The following L2HGDH variants were observed in gnomAD, a reference collection of about 807,000 sequenced individuals.
L2HGDH encodes the protein L-2-hydroxyglutarate dehydrogenase, mitochondrial.
A neutral mutation model predicts 51.5 loss-of-function variants in L2HGDH; 34 were observed. That is an observed-to-expected ratio of 0.66 (90% CI 0.50 to 0.88). L2HGDH has a LOEUF of 0.88. Among genes scored for constraint, L2HGDH ranks in the 40% least tolerant of loss-of-function variants. L2HGDH has a pLI of 0.00. For missense variants in L2HGDH, 558 were observed against 571.9 expected (o/e 0.98, Z 0.25); for synonymous variants, 198 against 197.9 (o/e 1.00, Z -0.01).
chr14:50,262,813 C>T (rs914536664), intron 9 of L2HGDH, among the ~76,000 whole-genome samples: 1 of 151,738 alleles, frequency 6.6e-6, no homozygotes, highest in Non-Finnish European at 1.5e-5. Flanking sequence ...TAATTTCCTG[C>T]ACTTAATAAC....
chr14:50,272,952 A>G (rs1265894892), intron 6 of L2HGDH, among the ~76,000 whole-genome samples: 1 of 152,220 alleles, frequency 6.6e-6, no homozygotes, highest in African/African-American at 2.4e-5. Flanking sequence ...GAACAGCCAC[A>G]GCACCAGAGC....
Position 50,242,582 on chromosome 14 carries a change from C to G in L2HGDH, c.*4476G>C. ...TGGTTGGTATCAACACTGTTCTTCC[C>G]TTCAGGGCTTCAGGGTTTATTTCCA... On this transcript the variant is annotated 3_prime_UTR_variant, in exon 10 of 10. Coordinates refer to ENST00000267436, the MANE Select transcript of L2HGDH (RefSeq NM_024884.3). The G allele has an allele frequency of 1.1e-5, 11 of 984,772 alleles. No individual in the cohort carries two copies. The highest frequency in any genetic ancestry group is 1.3e-5 in the Non-Finnish European group (11 of 829,362). 61.0% of individuals were successfully genotyped at this position (984,772 alleles called of 1,614,324 possible).
intron 9 of L2HGDH, among the ~76,000 whole-genome samples, chr14:50,258,006 A>G (rs1203243181): frequency 6.7e-6 from 1 of 150,140 alleles, no homozygotes; most frequent in Admixed American, 6.7e-5. Flanking sequence ...GTGGTTTTAC[A>G]TTTGCTTCTA....
intron 3 of L2HGDH, among the ~76,000 whole-genome samples, chr14:50,298,182 T>G (rs1477586673): frequency 6.8e-6 from 1 of 147,398 alleles, no homozygotes; most frequent in Non-Finnish European, 1.5e-5. Context: ...AGGTGGAGGT[T>G]GCAGTGAGCT....
At chr14:50,257,487 G>A (rs931790851) in intron 9 of L2HGDH, among the ~76,000 whole-genome samples, 1 of 151,106 alleles carries the variant, frequency 6.6e-6, no homozygotes, top group Non-Finnish European at 1.5e-5. Flanking sequence ...CTCCCTCCTC[G>A]GCCTCCAGAG....
At chr14:50,261,294 C>G (rs1431429620) in intron 9 of L2HGDH, among the ~76,000 whole-genome samples, 1 of 152,172 alleles carries the variant, frequency 6.6e-6, no homozygotes, top group Non-Finnish European at 1.5e-5. Flanking sequence ...CTCTAGTTAT[C>G]ACTTGCTATG....
intron 7 of L2HGDH, among the ~76,000 whole-genome samples, chr14:50,268,389 A>G (rs1346145128): frequency 1.4e-4 from 21 of 149,034 alleles, no homozygotes; most frequent in Admixed American, 1.4e-3. Flanking sequence ...AGGAAAAAAA[A>G]AAAAAAAAAA....
intron 3 of L2HGDH, among the ~76,000 whole-genome samples, chr14:50,301,284 T>C (rs192734128): frequency 1.1e-4 from 17 of 152,256 alleles, no homozygotes; most frequent in African/African-American, 2.9e-4. Flanking sequence ...ATGTTAAACA[T>C]GGAGTTACCC....
chr14:50,243,111 C>A lies in L2HGDH; in HGVS notation c.*3947G>T, dbSNP rs1223267047. 4.1e-6 allele frequency: 4 copies of A among 985,470 alleles called. No homozygotes were observed. In the East Asian group the frequency reaches 4.5e-4, roughly 112 times the overall value. 61.0% of individuals were successfully genotyped at this position (985,470 alleles called of 1,614,324 possible). The stretch of plus-strand genomic sequence containing the variant: ...AAATGGCCTCAGGGAAAGTGGAATT[C>A]TGCCAACAGTAAAGGCAACTCCCCA... On this transcript the variant is annotated 3_prime_UTR_variant, in exon 10 of 10. Coordinates refer to ENST00000267436, the MANE Select transcript of L2HGDH (RefSeq NM_024884.3).
chr14:50,242,445 T>C lies in L2HGDH; in HGVS notation c.*4613A>G, dbSNP rs1410649100. On this transcript the variant is annotated 3_prime_UTR_variant, in exon 10 of 10. Transcript: ENST00000267436. ...GGGACAAAAGAAACTTAAAATAAGATAACTTTAATGTGAGATCCTTCCCAT... is the reference window on the plus strand; with the variant it reads ...GGGACAAAAGAAACTTAAAATAAGACAACTTTAATGTGAGATCCTTCCCAT... 1.0e-6 allele frequency: 1 copy of C among 982,884 alleles called. No individual in the cohort carries two copies. The highest frequency in any genetic ancestry group is 1.2e-6 in the Non-Finnish European group (1 of 827,744). The allele number at this position is 982,884 out of a possible 1,614,324, so 60.9% of individuals were successfully genotyped here. A position where few individuals can be genotyped will look rare whatever the true frequency, so the allele number is the denominator to read the frequency against.
chr14:50,310,262 G>A (rs1281978147), intron 1 of L2HGDH, among the ~76,000 whole-genome samples: 5 of 151,390 alleles, frequency 3.3e-5, no homozygotes, highest in African/African-American at 1.2e-4. Flanking sequence ...GTAGAGAAGG[G>A]ATCTTATATT....
rs189247104 is a variant in L2HGDH at position 50,244,556 on chromosome 14, G to A, written c.*2502C>T. 9.2e-5 allele frequency: 91 copies of A among 985,418 alleles called. No homozygotes were observed. The African/African-American group carries it at 1.5e-3, about 16-fold the overall frequency. 61.0% of individuals were successfully genotyped at this position (985,418 alleles called of 1,614,324 possible). On this transcript the variant is annotated 3_prime_UTR_variant, in exon 10 of 10. Coordinates refer to ENST00000267436, the MANE Select transcript of L2HGDH (RefSeq NM_024884.3). ...TTTGCATTTCTTGCAGGAATCAGCT[G>A]TTATAAAGAAACATTAGGGCTTGTT...
chr14:50,262,707 CTATACTTGTTTTAAAACT>C (rs1889103595), intron 9 of L2HGDH, among the ~76,000 whole-genome samples: 1 of 151,894 alleles, frequency 6.6e-6, no homozygotes, highest in Admixed American at 6.6e-5. Flanking sequence ...TATGGTTTTG[CTATACTTGTTTTAAAACT>C]TATACAAATG....
intron 9 of L2HGDH, among the ~76,000 whole-genome samples, chr14:50,261,964 T>C (rs1889049675): frequency 6.6e-6 from 1 of 152,070 alleles, no homozygotes; most frequent in African/African-American, 2.4e-5. Context: ...GTTAATGAAA[T>C]TTAAGGACAC....
rs779604412 is a variant in L2HGDH, at chr14:50,267,918, T to C, written c.907-8A>G. Reference sequence around the variant, plus strand: ...AAACCGGCTATCTGGGACCTATAAATTTAACATAGTAAATAACAGCCTCAT... The same window carrying C: ...AAACCGGCTATCTGGGACCTATAAACTTAACATAGTAAATAACAGCCTCAT... On this transcript the variant is annotated splice_region_variant and splice_polypyrimidine_tract_variant and intron_variant, in intron 7 of 9. Coordinates refer to ENST00000267436, the MANE Select transcript of L2HGDH (RefSeq NM_024884.3). 3 of 1,613,152 alleles carry C rather than the reference T, an allele frequency of 1.9e-6. No individual in the cohort carries two copies. Among genetic ancestry groups the C allele is most frequent in the South Asian group, 2.2e-5 (2 of 91,062 alleles).
chr14:50,260,876 G>C (rs1296846557), intron 9 of L2HGDH, among the ~76,000 whole-genome samples: 1 of 152,114 alleles, frequency 6.6e-6, no homozygotes, highest in African/African-American at 2.4e-5. Flanking sequence ...AGCACTTTGG[G>C]AGGCCAAGGC....
chr14:50,310,949 T>C (rs1461823801), intron 1 of L2HGDH, among the ~76,000 whole-genome samples: 2 of 140,148 alleles, frequency 1.4e-5, no homozygotes, highest in Non-Finnish European at 3.1e-5. Context: ...TTTTTTTTTT[T>C]TTTTTTTTTT....
intron 4 of L2HGDH, chr14:50,293,182 C>T (rs1345859641): frequency 2.9e-6 from 2 of 700,720 alleles, no homozygotes; most frequent in South Asian, 3.0e-5. Context: ...AGAATGGAGT[C>T]CAGACATAGA....
intron 4 of L2HGDH, chr14:50,287,307 G>A (rs1476335921): frequency 2.9e-5 from 29 of 984,424 alleles, no homozygotes; most frequent in Non-Finnish European, 3.1e-5. Flanking sequence ...TTCCTGTTCC[G>A]ATTTTTTCTC....
Sources: gnomAD v4.1 joint callset for allele counts (sites outside exome capture counted in the v4.1 genomes callset) on GRCh38, gnomAD v4.1.1 for gene constraint, MANE v1.5 for transcripts, NCBI Gene and HGNC (gene_info 2026-07-23, HGNC 2026-07-21) for gene names.